Variants in CD47 observed in about 807,000 individuals in gnomAD.
CD47 encodes CD47 molecule, also known as leukocyte surface antigen CD47.
In CD47, 11 loss-of-function variants were observed where a neutral mutation model predicts 44.6. That is an observed-to-expected ratio of 0.25 (90% CI 0.16 to 0.41). The LOEUF (loss-of-function observed/expected upper bound fraction) is 0.41, where lower values mean the gene tolerates loss of function less well. CD47 is among the 10% of genes least tolerant of loss of function. CD47 has a pLI of 1.00. For synonymous variants in CD47, 140 were observed against 136.3 expected (o/e 1.03, Z -0.19); for missense variants, 306 against 386.7 (o/e 0.79, Z 1.75).
chr3:108,083,582 G>A (rs943231216), intron 1 of CD47, among the ~76,000 whole-genome samples: 5 of 152,072 alleles, frequency 3.3e-5, no homozygotes, highest in African/African-American at 1.2e-4. Context: ...CATGGACAAC[G>A]TCCTTATGGA....
intron 10 of CD47, among the ~76,000 whole-genome samples, chr3:108,048,919 C>T (rs1381232710): frequency 1.6e-4 from 24 of 152,046 alleles, no homozygotes; most frequent in Non-Finnish European, 1.5e-5. Flanking sequence ...GCCAACAAAA[C>T]TGAGGAATCA....
At chr3:108,089,115 ATATT>A (rs2079578971) in intron 1 of CD47, among the ~76,000 whole-genome samples, 1 of 152,244 alleles carries the variant, frequency 6.6e-6, no homozygotes, top group African/African-American at 2.4e-5. Context: ...TTGAAGCTAT[ATATT>A]AAACACATAC....
At chr3:108,061,336 T>A (rs770953193) in intron 3 of CD47, among the ~76,000 whole-genome samples, 3 of 151,686 alleles carry the variant, frequency 2.0e-5, no homozygotes, top group Non-Finnish European at 4.4e-5. Flanking sequence ...ATGTACATAA[T>A]ACTAATGGGA....
At chr3:108,067,547 T>G (rs765034155) in intron 3 of CD47, among the ~76,000 whole-genome samples, 2 of 152,220 alleles carry the variant, frequency 1.3e-5, no homozygotes, top group African/African-American at 4.8e-5. Flanking sequence ...AGCCAGGAAC[T>G]TAATTGTCAG....
chr3:108,043,873 T>G lies in CD47; in HGVS notation c.*3415A>C, dbSNP rs2078671033. The G allele has an allele frequency of 6.6e-6, 1 of 152,650 alleles. No individual in the cohort carries two copies. The highest frequency in any genetic ancestry group is 1.5e-5 in the Non-Finnish European group (1 of 68,036). The allele number at this position is 152,650 out of a possible 1,614,324, so 9.5% of individuals were successfully genotyped here. ...GCAGAAAAACTGCCTGGTCACTCAC[T>G]GCTCATCTCTTCAAAGTTACCTGGA... On this transcript the variant is annotated 3_prime_UTR_variant, in exon 11 of 11. Transcript: ENST00000361309.
At chr3:108,053,716 G>C (rs1179255963) in intron 7 of CD47, 1 of 152,244 alleles carries the variant, frequency 6.6e-6, no homozygotes, top group African/African-American at 2.4e-5. Flanking sequence ...TGAGCTCATA[G>C]GAGTCCAGTT....
intron 5 of CD47, 50 bp from the exon 6 acceptor site, chr3:108,058,479 A>C: frequency 8.0e-7 from 1 of 1,250,576 alleles, no homozygotes. Context: ...GTATTTAAAA[A>C]GCAATAACTT....
At chr3:108,066,373 C>T (rs2079106145) in intron 3 of CD47, among the ~76,000 whole-genome samples, 1 of 152,228 alleles carries the variant, frequency 6.6e-6, no homozygotes, top group Admixed American at 6.5e-5. Flanking sequence ...ATAAATCCCT[C>T]ATAAACAGTC....
intron 10 of CD47, among the ~76,000 whole-genome samples, chr3:108,049,345 G>A (rs145854320): frequency 7.9e-5 from 12 of 152,294 alleles, no homozygotes; most frequent in East Asian, 5.8e-4. Flanking sequence ...CACCAGACAC[G>A]GAATCTGAAA....
chr3:108,075,339 T>A (rs986877116), intron 2 of CD47, among the ~76,000 whole-genome samples: 1 of 152,100 alleles, frequency 6.6e-6, no homozygotes, highest in African/African-American at 2.4e-5. Flanking sequence ...AGGACCTCAT[T>A]TGTCTTATCA....
intron 10 of CD47, among the ~76,000 whole-genome samples, chr3:108,048,516 C>G (rs1448444172): frequency 6.6e-6 from 1 of 151,616 alleles, no homozygotes; most frequent in Non-Finnish European, 1.5e-5. Context: ...TCCCAAGTAG[C>G]TGGGACCACA....
chr3:108,079,543 C>T (rs1248559968), intron 2 of CD47, among the ~76,000 whole-genome samples: 2 of 123,312 alleles, frequency 1.6e-5, no homozygotes, highest in Non-Finnish European at 3.2e-5. Flanking sequence ...TGGGACTTGT[C>T]ATCCCTTGGT....
rs780946071 is a variant in CD47, at chr3:108,045,685, T to C, written c.*1603A>G. ...CCAACATGAAATATGACAATCAATT[T>C]GGCATAAAAGAGGCACACGGGAACA... On this transcript the variant is annotated 3_prime_UTR_variant, in exon 11 of 11. Coordinates refer to ENST00000361309, the MANE Select transcript of CD47 (RefSeq NM_001777.4). The C allele has an allele frequency of 6.6e-6, 1 of 152,580 alleles. No individual in the cohort carries two copies. The highest frequency in any genetic ancestry group is 1.5e-5 in the Non-Finnish European group (1 of 68,034). The allele number at this position is 152,580 out of a possible 1,614,324, so 9.5% of individuals were successfully genotyped here. A position where few individuals can be genotyped will look rare whatever the true frequency, so the allele number is the denominator to read the frequency against.
chr3:108,084,367 AT>A (rs2108271561), intron 1 of CD47, among the ~76,000 whole-genome samples: 1 of 152,026 alleles, frequency 6.6e-6, no homozygotes, highest in African/African-American at 2.4e-5. Context: ...GTATCTCCTG[AT>A]TACGAATTTC....
At chr3:108,087,545 G>A (rs2079545472) in intron 1 of CD47, among the ~76,000 whole-genome samples, 1 of 152,176 alleles carries the variant, frequency 6.6e-6, no homozygotes, top group Admixed American at 6.5e-5. Flanking sequence ...CATACTGTCT[G>A]AAATTTGTCT....
intron 7 of CD47, 179 bp from the exon 8 acceptor site, chr3:108,052,149 C>T (rs1215370147): frequency 9.0e-6 from 4 of 445,796 alleles, no homozygotes; most frequent in South Asian, 5.6e-5. Context: ...TGATTATATA[C>T]ACTGATTTGA....
chr3:108,077,883 C>T (rs944920707), intron 2 of CD47, among the ~76,000 whole-genome samples: 1 of 152,002 alleles, frequency 6.6e-6, no homozygotes, highest in African/African-American at 2.4e-5. Flanking sequence ...CAAATTGGTG[C>T]TTGCCAGGTT....
At chr3:108,077,250 G>A (rs4855617) in intron 2 of CD47, among the ~76,000 whole-genome samples, 81,107 of 151,930 alleles carry the variant, frequency 0.53, 21,903 homozygotes, top group East Asian at 0.7. Flanking sequence ...CAAAGTCCGT[G>A]ACAAGTAAGT....
rs764611307 is a variant in CD47, at chr3:108,047,239, C to T, written c.*49G>A. On this transcript the variant is annotated 3_prime_UTR_variant, in exon 11 of 11. Transcript: ENST00000361309. ...ATGGTGCTTAAACACAAGTGTATTC[C>T]TTTCACGTCTTACTACTCTCCAAAT... The T allele has an allele frequency of 1.3e-6, 2 of 1,549,346 alleles. No individual in the cohort carries two copies. The highest frequency in any genetic ancestry group is 1.8e-6 in the Non-Finnish European group (2 of 1,127,460).
Sources: allele counts gnomAD v4.1 joint callset (sites outside exome capture counted in the v4.1 genomes callset), GRCh38; gene constraint gnomAD v4.1.1; transcripts MANE v1.5; gene names NCBI Gene and HGNC (gene_info 2026-07-23, HGNC 2026-07-21).